Variants in CHSY3 observed in about 807,000 individuals in gnomAD.
CHSY3 encodes the protein N-acetylgalactosaminyl-proteoglycan 3-beta-glucuronosyltransferase 3.
Under a neutral mutation model 67.2 loss-of-function variants are expected in CHSY3, and 35 were observed. That is an observed-to-expected ratio of 0.52 (90% CI 0.40 to 0.69). The LOEUF is 0.69. Ranked by LOEUF, CHSY3 falls within the 30% of genes least tolerant of loss-of-function variation. CHSY3 has a pLI of 0.00. For synonymous variants in CHSY3, 474 were observed against 434.7 expected (o/e 1.09, Z -1.12); for missense variants, 1,069 against 1,138.5 (o/e 0.94, Z 0.88).
chr5:130,178,219 ATTTATATT>A (rs1314051439), intron 2 of CHSY3, among the ~76,000 whole-genome samples: 27 of 83,664 alleles, frequency 3.2e-4, no homozygotes, highest in African/African-American at 1.3e-3. Flanking sequence ...ATATGTATAT[ATTTATATT>A]TATATATATA....
Position 130,185,015 on chromosome 5 carries a change from G to A in CHSY3, c.1873G>A (p.Val625Ile), listed in dbSNP as rs373484838. The change falls in exon 3 of 3, where the codon GTT becomes ATT. Residue 625 changes from valine to isoleucine, a missense_variant. By Grantham distance (29) the Val-to-Ile change is conservative (BLOSUM62 3). This residue lies in a region of CHSY3 where 401 missense variants were observed against 395.2 expected (regional missense o/e 1.01). Transcript: ENST00000305031. ...GHNEKKVHIL[V>I]PLIGRYDIFL... is the part of the protein sequence containing the mutation. Reference sequence around the variant, plus strand: ...CAATGAAAAGAAAGTACACATTCTCGTTCCTCTCATCGGAAGGTATGACAT... The same window carrying A: ...CAATGAAAAGAAAGTACACATTCTCATTCCTCTCATCGGAAGGTATGACAT... 19 of 1,571,590 alleles carry A rather than the reference G, an allele frequency of 1.2e-5. No individual in the cohort carries two copies. Among genetic ancestry groups the A allele is most frequent in the East Asian group, 2.2e-5 (1 of 44,616 alleles).
chr5:129,931,984 G>T lies in CHSY3; in HGVS notation c.1086+23624G>T, dbSNP rs997612686. Among the ~76,000 whole-genome samples, 24 of 151,478 alleles carry T rather than the reference G, an allele frequency of 1.6e-4. No individual in the cohort carries two copies. In the South Asian group the frequency reaches 2.3e-3, roughly 14 times the overall value. On this transcript the variant is annotated intron_variant, in intron 2 of 2. Transcript: ENST00000305031. ...AAAGCTAATCTACTCTGCTAGTTAG[G>T]GTTCTCTACAGAAAAAGAAATAATA...
intron 2 of CHSY3, among the ~76,000 whole-genome samples, chr5:129,910,841 AT>A (rs1343009101): frequency 6.6e-6 from 1 of 152,006 alleles, no homozygotes; most frequent in South Asian, 2.1e-4. Context: ...TAAAGGTGAG[AT>A]TTTACATCTG....
intron 2 of CHSY3, among the ~76,000 whole-genome samples, chr5:130,020,335 G>T (rs1764330953): frequency 6.6e-6 from 1 of 150,960 alleles, no homozygotes; most frequent in African/African-American, 2.4e-5. Flanking sequence ...CAGGAGAATT[G>T]CTGGAACCTG....
chr5:129,911,498 G>A (rs1220679967), intron 2 of CHSY3, among the ~76,000 whole-genome samples: 1 of 152,100 alleles, frequency 6.6e-6, no homozygotes, highest in East Asian at 1.9e-4. Context: ...TCCATGTAAA[G>A]CCCTTAATGT....
chr5:130,139,842 C>T (rs1580773567), intron 2 of CHSY3, among the ~76,000 whole-genome samples: 1 of 152,058 alleles, frequency 6.6e-6, no homozygotes, highest in East Asian at 1.9e-4. Flanking sequence ...AATAGCTTAC[C>T]TCGAATAATA....
chr5:130,184,924 C>T lies in CHSY3; in HGVS notation c.1782C>T (p.Phe594=). 1 of 1,547,100 alleles carries T rather than the reference C, an allele frequency of 6.5e-7. No homozygotes were observed. The highest frequency in any genetic ancestry group is 8.9e-7 in the Non-Finnish European group (1 of 1,119,200). ...VESINSETQS[F]SFISNSLKIL... ...GTATTAACAGTGAAACTCAGTCATT[C>T]TCCTTTATATCTAATTCTTTAAAGA... The change falls in exon 3 of 3, where the codon TTC becomes TTT. Residue 594 remains phenylalanine, a synonymous_variant. Transcript: ENST00000305031.
At chr5:129,931,965 A>C (rs1018297544) in intron 2 of CHSY3, among the ~76,000 whole-genome samples, 21 of 152,002 alleles carry the variant, frequency 1.4e-4, no homozygotes, top group African/African-American at 5.1e-4. Flanking sequence ...TGATAAAGCT[A>C]ATCTACTCTG....
intron 2 of CHSY3, chr5:130,140,688 T>G: frequency 6.2e-6 from 2 of 320,530 alleles, no homozygotes; most frequent in Admixed American, 1.0e-4. Flanking sequence ...TCTACAGCCA[T>G]AGCCACCCAC....
intron 2 of CHSY3, among the ~76,000 whole-genome samples, chr5:130,148,979 T>A (rs1769154691): frequency 3.3e-5 from 5 of 152,160 alleles, no homozygotes; most frequent in Admixed American, 3.3e-4. Context: ...TGTTCATATG[T>A]CCAGAATGGT....
intron 2 of CHSY3, among the ~76,000 whole-genome samples, chr5:129,933,351 A>G (rs1761379628): frequency 1.3e-5 from 2 of 152,196 alleles, no homozygotes; most frequent in Non-Finnish European, 1.5e-5. Flanking sequence ...CTTAGTCAGC[A>G]TGACAGCTCT....
intron 2 of CHSY3, among the ~76,000 whole-genome samples, chr5:130,019,236 A>C (rs1764297354): frequency 6.6e-6 from 1 of 152,164 alleles, no homozygotes; most frequent in Admixed American, 6.5e-5. Flanking sequence ...CATGATTACC[A>C]TCAATATGGT....
At chr5:129,905,955 AG>A (rs138819414) in intron 1 of CHSY3, 189,456 of 363,688 alleles carry the variant, frequency 0.52, 52,241 homozygotes, top group East Asian at 0.6. Flanking sequence ...GCTAAACCAA[AG>A]GCCATTCCCA....
chr5:130,146,643 A>C (rs188750919), intron 2 of CHSY3, among the ~76,000 whole-genome samples: 1 of 152,160 alleles, frequency 6.6e-6, no homozygotes, highest in Admixed American at 6.5e-5. Flanking sequence ...GAAATGATAA[A>C]TGCGTTTATC....
chr5:130,026,420 T>C (rs1244296089), intron 2 of CHSY3, among the ~76,000 whole-genome samples: 1 of 152,200 alleles, frequency 6.6e-6, no homozygotes, highest in East Asian at 1.9e-4. Context: ...AATTGACTGC[T>C]TGTTGAAAAC....
intron 2 of CHSY3, among the ~76,000 whole-genome samples, chr5:130,086,842 A>G (rs1399918279): frequency 1.3e-5 from 2 of 151,888 alleles, no homozygotes; most frequent in Admixed American, 6.6e-5. Flanking sequence ...ATAGAAAAAG[A>G]GGGAATCCTC....
chr5:130,101,057 T>C (rs551041217), intron 2 of CHSY3, among the ~76,000 whole-genome samples: 2 of 152,338 alleles, frequency 1.3e-5, no homozygotes, highest in Non-Finnish European at 2.9e-5. Flanking sequence ...ACTTTTTAAT[T>C]GAAAGTGAAA....
rs183826842 is a variant in CHSY3, at chr5:130,159,149, A to T, written c.1087-25080A>T. Among the ~76,000 whole-genome samples, 164 of 144,510 alleles carry T rather than the reference A, an allele frequency of 1.1e-3. 2 individuals carry two copies. The Middle Eastern group carries it at 0.053, about 46-fold the overall frequency. The allele number at this position is 144,510 out of a possible 152,430, so 94.8% of individuals were successfully genotyped here. On this transcript the variant is annotated intron_variant, in intron 2 of 2. Coordinates refer to ENST00000305031, the MANE Select transcript of CHSY3 (RefSeq NM_175856.5). ...TAAAACATTTATTTCTTAATTCTGCATTAAGATTTGTCTTTTTTTTTTTTT... is the reference window on the plus strand; with the variant it reads ...TAAAACATTTATTTCTTAATTCTGCTTTAAGATTTGTCTTTTTTTTTTTTT...
intron 2 of CHSY3, among the ~76,000 whole-genome samples, chr5:129,938,803 C>G (rs1366176988): frequency 6.6e-6 from 1 of 152,154 alleles, no homozygotes; most frequent in Non-Finnish European, 1.5e-5. Flanking sequence ...AATAATTTAA[C>G]ACGTCTCTAG....
Sources: allele counts gnomAD v4.1 joint callset (sites outside exome capture counted in the v4.1 genomes callset), GRCh38; gene constraint gnomAD v4.1.1; regional missense constraint gnomAD v4.1.1; transcripts MANE v1.5; gene names NCBI Gene and HGNC (gene_info 2026-07-23, HGNC 2026-07-21).